The following PLA2G4E variants were observed in gnomAD, a reference collection of about 807,000 sequenced individuals.
PLA2G4E encodes the protein phospholipase A2 group IVE.
In PLA2G4E, 84 loss-of-function variants were observed where a neutral mutation model predicts 109.1. The observed-to-expected ratio is 0.77, with a 90% CI of 0.65 to 0.92. The LOEUF (loss-of-function observed/expected upper bound fraction) is 0.92. PLA2G4E is among the 40% of genes least tolerant of loss of function. The pLI, the probability that PLA2G4E is intolerant of heterozygous loss-of-function variation, is 0.00. For synonymous variants in PLA2G4E, 469 were observed against 436.1 expected (o/e 1.08, Z -0.94); for missense variants, 1,057 against 1,076.6 (o/e 0.98, Z 0.25).
chr15:42,017,730 G>T (rs1227758966), intron 1 of PLA2G4E, among the ~76,000 whole-genome samples: 1 of 152,066 alleles, frequency 6.6e-6, no homozygotes, highest in African/African-American at 2.4e-5. Context: ...TTTTCACTCA[G>T]CGCTCCCCCA....
At chr15:42,013,500 C>A (rs1628549) in intron 2 of PLA2G4E, among the ~76,000 whole-genome samples, 185 bp downstream of exon 2, 95,376 of 152,090 alleles carry the variant, frequency 0.63, 30,179 homozygotes, top group East Asian at 0.8. Flanking sequence ...AAAGTCTGAA[C>A]TACAACTTGA....
At chr15:42,024,257 C>A (rs2068674083) in intron 1 of PLA2G4E, among the ~76,000 whole-genome samples, 1 of 152,206 alleles carries the variant, frequency 6.6e-6, no homozygotes, top group Non-Finnish European at 1.5e-5. Context: ...TCTTGGTACA[C>A]AACTGCTGCT....
At chr15:42,036,940 C>A (rs755829600) in intron 1 of PLA2G4E, among the ~76,000 whole-genome samples, 1 of 152,246 alleles carries the variant, frequency 6.6e-6, no homozygotes, top group Non-Finnish European at 1.5e-5. Context: ...GGCGCCCACT[C>A]CGATCTCAGA....
chr15:42,048,406 T>TAA (rs1889451266), intron 1 of PLA2G4E, among the ~76,000 whole-genome samples: 1 of 152,240 alleles, frequency 6.6e-6, no homozygotes, highest in African/African-American at 2.4e-5. Context: ...ATTGGCCCTT[T>TAA]ATGTTTTCCA....
chr15:42,042,173 T>C (rs760772552), intron 1 of PLA2G4E, among the ~76,000 whole-genome samples: 1 of 152,194 alleles, frequency 6.6e-6, no homozygotes, highest in Non-Finnish European at 1.5e-5. Flanking sequence ...AAAAATCTGG[T>C]TTTTAATAGC....
chr15:42,041,272 G>T (rs949357268), intron 1 of PLA2G4E, among the ~76,000 whole-genome samples: 3 of 152,086 alleles, frequency 2.0e-5, no homozygotes, highest in African/African-American at 7.2e-5. Flanking sequence ...TTATTTGCCT[G>T]TTTGGTTTAA....
rs904517560 is a variant in PLA2G4E, at chr15:41,995,354, C to T, written c.1247+6G>A. 1.9e-6 allele frequency: 3 copies of T among 1,612,644 alleles called. No individual in the cohort carries two copies. Among genetic ancestry groups the T allele is most frequent in the Admixed American group, 1.7e-5 (1 of 60,000 alleles). On this transcript the variant is annotated splice_donor_region_variant and intron_variant, in intron 12 of 19. Transcript: ENST00000399518. The stretch of plus-strand genomic sequence containing the variant: ...GCTCCACAGACAGTGGCTCATGTCT[C>T]CTTACCAGGTGGCCCCTGATAGACC...
chr15:41,995,620 A>G (rs2068326811), intron 11 of PLA2G4E, 124 bp from the exon 12 acceptor site: 2 of 1,320,572 alleles, frequency 1.5e-6, no homozygotes, highest in Non-Finnish European at 2.1e-6. Flanking sequence ...GAGGGCAGGG[A>G]GTGCGGCGTT....
chr15:42,013,568 C>T (rs535976123), intron 2 of PLA2G4E, 117 bp downstream of exon 2: 77 of 900,492 alleles, frequency 8.6e-5, no homozygotes, highest in Non-Finnish European at 1.2e-4. Flanking sequence ...ACACCATGCA[C>T]GTGCACACGT....
chr15:42,034,266 T>G (rs1002122113), intron 1 of PLA2G4E, among the ~76,000 whole-genome samples: 3 of 152,248 alleles, frequency 2.0e-5, no homozygotes, highest in Non-Finnish European at 4.4e-5. Context: ...GAGACATACC[T>G]GGTATGCCAG....
chr15:41,994,303 C>CG (rs11369248), intron 12 of PLA2G4E, among the ~76,000 whole-genome samples: 137,409 of 152,038 alleles, frequency 0.9, 62,271 homozygotes, highest in South Asian at 0.95. Context: ...CTCTGCCCCC[C>CG]GGGGGGGTGT....
At chr15:42,020,694 C>T (rs16972473) in intron 1 of PLA2G4E, among the ~76,000 whole-genome samples, 4,545 of 152,262 alleles carry the variant, frequency 0.03, 77 homozygotes, top group East Asian at 0.086. Context: ...CCTTGAAAAT[C>T]TTGAGGGTAC....
chr15:42,020,976 G>A (rs975182221), intron 1 of PLA2G4E, among the ~76,000 whole-genome samples: 1 of 151,840 alleles, frequency 6.6e-6, no homozygotes, highest in Non-Finnish European at 1.5e-5. Flanking sequence ...TCTTCTGCTT[G>A]GCATGGGTCT....
chr15:42,009,303 A>G (rs2068508313), intron 2 of PLA2G4E, among the ~76,000 whole-genome samples: 1 of 152,148 alleles, frequency 6.6e-6, no homozygotes, highest in Non-Finnish European at 1.5e-5. Flanking sequence ...TGACTCTCAC[A>G]TTCAGTTGAT....
chr15:42,016,209 C>T (rs2068592864), intron 1 of PLA2G4E, among the ~76,000 whole-genome samples: 1 of 151,328 alleles, frequency 6.6e-6, no homozygotes. Context: ...TTTCTATAAT[C>T]CCACCACTCA....
At chr15:41,988,242 C>T (rs533757291) in intron 15 of PLA2G4E, 86 bp from the exon 16 acceptor site, 30 of 872,312 alleles carry the variant, frequency 3.4e-5, no homozygotes, top group Non-Finnish European at 4.7e-5. Flanking sequence ...CCCCACCCCC[C>T]CACCCCACGC....
At chr15:42,013,505 A>G (rs1395360629) in intron 2 of PLA2G4E, among the ~76,000 whole-genome samples, 180 bp downstream of exon 2, 1 of 152,194 alleles carries the variant, frequency 6.6e-6, no homozygotes, top group Admixed American at 6.5e-5. Context: ...CTGAACTACA[A>G]CTTGAGTATA....
At chr15:41,989,079 T>C (rs1043539007) in intron 15 of PLA2G4E, among the ~76,000 whole-genome samples, 1 of 152,138 alleles carries the variant, frequency 6.6e-6, no homozygotes, top group Non-Finnish European at 1.5e-5. Flanking sequence ...CCTTACCCTG[T>C]GGTCTCCCTG....
chr15:42,007,798 C>T lies in PLA2G4E; in HGVS notation c.324G>A (p.Arg108=), dbSNP rs1033279997. Residue 108 remains arginine (R), a synonymous_variant, in exon 3 of 20, where the codon AGG becomes AGA. Coordinates refer to ENST00000399518, the Ensembl canonical transcript of PLA2G4E. The stretch of plus-strand genomic sequence containing the variant: ...CTGGATTTGGGCAGTTGGAGATGGT[C>T]CTTGTCCTCAGCTTCTTCTGAGAGG... The T allele has an allele frequency of 3.1e-6, 5 of 1,611,816 alleles. No individual in the cohort carries two copies. The African/African-American group carries it at 6.7e-5, about 22-fold the overall frequency.
Sources: allele counts gnomAD v4.1 joint callset (sites outside exome capture counted in the v4.1 genomes callset), GRCh38; gene constraint gnomAD v4.1.1; transcripts MANE v1.5; gene names NCBI Gene and HGNC (gene_info 2026-07-23, HGNC 2026-07-21).